The following GRIN2C variants were observed in gnomAD, a reference collection of about 807,000 sequenced individuals.
GRIN2C encodes glutamate ionotropic receptor NMDA type subunit 2C, also known as glutamate receptor ionotropic, NMDA 2C.
Under a neutral mutation model 77.7 loss-of-function variants are expected in GRIN2C, and 64 were observed. The ratio of observed to expected loss-of-function variants is 0.82; its 90% confidence interval spans 0.67 to 1.01. GRIN2C has a LOEUF of 1.01. Ranked by LOEUF, GRIN2C falls within the 50% of genes least tolerant of loss-of-function variation. The pLI is 0.00. For missense variants in GRIN2C, 1,549 were observed against 1,486.0 expected, an observed-to-expected ratio of 1.04 and a Z score of -0.70; for synonymous variants, 792 against 643.4, an observed-to-expected ratio of 1.23 and a Z score of -3.49.
At chr17:74,860,653 C>T (rs1567904377), upstream of GRIN2C, 1 of 376,316 alleles carries the variant, frequency 2.7e-6, no homozygotes, top group Non-Finnish European at 5.3e-6. Flanking sequence ...CCAGGTCTTG[C>T]TCGCCCAGTG....
Position 74,849,818 on chromosome 17 carries a change from G to A in GRIN2C, c.1607C>T (p.Ala536Val), listed in dbSNP as rs985277360. The A allele has an allele frequency of 6.2e-7, 1 of 1,613,096 alleles. No homozygotes were observed. Among genetic ancestry groups the A allele is most frequent in the South Asian group, 1.1e-5 (1 of 91,016 alleles). The change falls in exon 7 of 13, where the codon GCT becomes GTT. Residue 536 changes from alanine to valine, a missense_variant. Around this residue, in one of 3 missense-constraint regions of GRIN2C, gnomAD observed 717 missense variants for 858.1 expected, o/e 0.84. Transcript: ENST00000293190. The surrounding 1 kb of genome is among the most constrained non-coding windows in gnomAD (Gnocchi z 4.6). ...FVETGISVMV[A>V]RSNGTVSPSA... Reference sequence around the variant, plus strand: ...GGGGGAGACGGTGCCATTGCTGCGAGCCACCATCACACTGATGCCCGTCTC... The same window carrying A: ...GGGGGAGACGGTGCCATTGCTGCGAACCACCATCACACTGATGCCCGTCTC...
rs376756291 is a variant in GRIN2C at position 74,849,838 on chromosome 17, C to T, written c.1587G>A (p.Thr529=). 1.7e-5 allele frequency: 27 copies of T among 1,613,278 alleles called. No individual in the cohort carries two copies. The highest frequency in any genetic ancestry group is 2.7e-5 in the African/African-American group (2 of 74,874). ...IVDFSVPFVE[T]GISVMVARSN... ...TGCGAGCCACCATCACACTGATGCC[C>T]GTCTCCACAAAGGGTACAGAGAAGT... Residue 529 remains threonine (T), a synonymous_variant, in exon 7 of 13, where the codon ACG becomes ACA. Transcript: ENST00000293190. This position sits in a 1 kb window ranked among gnomAD's most constrained non-coding sequence, Gnocchi z 4.6.
Position 74,854,888 on chromosome 17 carries a change from C to T in GRIN2C, c.205G>A (p.Val69Ile), listed in dbSNP as rs749557717. Residue 69 changes from valine to isoleucine, a missense_variant, in exon 2 of 13, where the codon GTC becomes ATC. This residue lies in a region of GRIN2C where 382 missense variants were observed against 360.0 expected (regional missense o/e 1.06). Transcript: ENST00000293190. ...AGGCTGCTGGGGTTGGTGGTGTTGA[C>T]CCCAACTGTGAGCGGCTGGATCTCC... ...PLEIQPLTVGVNTTNPSSLLT... is the reference protein window; with the variant it reads ...PLEIQPLTVGINTTNPSSLLT... 7 of 1,613,286 alleles carry T rather than the reference C, an allele frequency of 4.3e-6. No individual in the cohort carries two copies. In the African/African-American group the frequency reaches 9.3e-5, roughly 22 times the overall value.
upstream of GRIN2C, chr17:74,860,715 C>A (rs553799165): frequency 2.8e-6 from 1 of 352,170 alleles, no homozygotes; most frequent in African/African-American, 2.2e-5. Flanking sequence ...GAGCCGGGCA[C>A]GGGCCAGCAT....
Position 74,843,334 on chromosome 17 carries a change from A to G in GRIN2C, c.2803T>C (p.Cys935Arg). The G allele has an allele frequency of 6.7e-7, 1 of 1,491,206 alleles. No individual in the cohort carries two copies. Among genetic ancestry groups the G allele is most frequent in the Non-Finnish European group, 9.0e-7 (1 of 1,112,878 alleles). 92.4% of individuals were successfully genotyped at this position (1,491,206 alleles called of 1,614,324 possible). A position where few individuals can be genotyped will look rare whatever the true frequency, so the allele number is the denominator to read the frequency against. ...GGRRAPPPSPCPTPRSGPSPC... is the reference protein window; with the variant it reads ...GGRRAPPPSPRPTPRSGPSPC... ...CTGGGGCCAGACCGCGGGGTCGGGC[A>G]GGGGGACGGTGGGGGCGCACGGCGG... The change falls in exon 13 of 13, where the codon TGC (cysteine) becomes CGC (arginine). Residue 935 changes from cysteine to arginine, a missense_variant. By Grantham distance (180) the Cys-to-Arg change is radical (BLOSUM62 -3). Coordinates refer to ENST00000293190, the MANE Select transcript of GRIN2C (RefSeq NM_000835.6).
At position 74,846,735 on chromosome 17, in the gene GRIN2C, A is replaced by T. The variant is rs373559320; in HGVS notation, c.2162+25T>A. 1.0e-4 allele frequency: 165 copies of T among 1,606,744 alleles called. No individual in the cohort carries two copies. Among genetic ancestry groups the T allele is most frequent in the Non-Finnish European group, 1.0e-4 (120 of 1,175,734 alleles). ...ACTGGGGAGACACACGGATGAAGAC[A>T]GCGGGTGCAGGGCTGGGGACCCACC... On this transcript the variant is annotated intron_variant, in intron 10 of 12. Transcript: ENST00000293190. The surrounding 1 kb of genome is among the most constrained non-coding windows in gnomAD (Gnocchi z 4.4).
Position 74,854,600 on chromosome 17 carries a change from C to A in GRIN2C, c.399+94G>T, listed in dbSNP as rs183077195. ...CCTCAGCCCCCACCTCCCTGCCCATCCCGTCTAATCCCAGCTTCCCAGAAC... is the reference window on the plus strand; with the variant it reads ...CCTCAGCCCCCACCTCCCTGCCCATACCGTCTAATCCCAGCTTCCCAGAAC... On this transcript the variant is annotated intron_variant, in intron 2 of 12. Transcript: ENST00000293190. 3.2e-4 allele frequency: 325 copies of A among 1,014,164 alleles called. 1 individual carries two copies. The African/African-American group carries it at 4.3e-3, about 13-fold the overall frequency. 62.8% of individuals were successfully genotyped at this position (1,014,164 alleles called of 1,614,324 possible).
chr17:74,848,046 G>A (rs1393955068), intron 7 of GRIN2C, 69 bp from the exon 8 acceptor site: 20 of 1,565,514 alleles, frequency 1.3e-5, no homozygotes, highest in Non-Finnish European at 8.8e-7. Flanking sequence ...AGCACTGGGT[G>A]GAGACAGGTA....
Position 74,846,354 on chromosome 17 carries a change from C to T in GRIN2C, c.2163-101G>A, listed in dbSNP as rs761933517. 1.5e-4 allele frequency: 149 copies of T among 1,026,462 alleles called. No homozygotes were observed. The highest frequency in any genetic ancestry group is 2.0e-4 in the Non-Finnish European group (134 of 679,740). 63.6% of individuals were successfully genotyped at this position (1,026,462 alleles called of 1,614,324 possible). A position where few individuals can be genotyped will look rare whatever the true frequency, so the allele number is the denominator to read the frequency against. On this transcript the variant is annotated intron_variant, in intron 10 of 12. Transcript: ENST00000293190. This position sits in a 1 kb window ranked among gnomAD's most constrained non-coding sequence, Gnocchi z 4.4. ...GTCTAAACCACATGAGCCTGCTGGG[C>T]ACCCCCGGGAGGGACCAATGGGCAG...
At chr17:74,854,434 GC>G in intron 2 of GRIN2C, 1 of 440,188 alleles carries the variant, frequency 2.3e-6, no homozygotes, top group African/African-American at 2.0e-5. Context: ...GAGGGCTGGG[GC>G]CTGAGCCCCA....
chr17:74,857,198 G>A (rs565251421), intron 1 of GRIN2C, among the ~76,000 whole-genome samples: 3 of 152,130 alleles, frequency 2.0e-5, no homozygotes, highest in Admixed American at 6.5e-5. Flanking sequence ...CAGCCTCCCC[G>A]TCAAGATCTT....
intron 11 of GRIN2C, 136 bp from the exon 12 acceptor site, chr17:74,844,644 T>G: frequency 7.0e-7 from 1 of 1,436,564 alleles, no homozygotes; most frequent in Non-Finnish European, 9.2e-7. Flanking sequence ...GCAGACCACA[T>G]GGGGATCCAG....
chr17:74,855,458 AT>A (rs2037794846), intron 1 of GRIN2C, among the ~76,000 whole-genome samples: 1 of 152,186 alleles, frequency 6.6e-6, no homozygotes, highest in South Asian at 2.1e-4. Context: ...GTTCAAGTGC[AT>A]GGATTTGAGT....
intron 1 of GRIN2C, among the ~76,000 whole-genome samples, chr17:74,855,863 C>T (rs917663502): frequency 5.9e-5 from 9 of 152,252 alleles, no homozygotes; most frequent in South Asian, 4.1e-4. Context: ...GGGCACTGGA[C>T]GTCACTACAG....
At chr17:74,848,377 C>T (rs535188954) in intron 7 of GRIN2C, among the ~76,000 whole-genome samples, 2 of 152,332 alleles carry the variant, frequency 1.3e-5, no homozygotes, top group East Asian at 3.9e-4. Context: ...AGACATCCAC[C>T]CCAGGCCTCA....
chr17:74,846,991 C>A lies in GRIN2C; in HGVS notation c.2002-71G>T, dbSNP rs886300434. ...TCCAGGCACCAAAGCCCCAAACCCA[C>A]CCCAGAGCCCAGCCCCAGTGTGGAC... is the stretch of plus-strand genomic sequence containing the variant. On this transcript the variant is annotated intron_variant, in intron 9 of 12. Transcript: ENST00000293190. The surrounding 1 kb of genome is among the most constrained non-coding windows in gnomAD (Gnocchi z 4.4). 3 of 1,501,142 alleles carry A rather than the reference C, an allele frequency of 2.0e-6. No homozygotes were observed. Among genetic ancestry groups the A allele is most frequent in the Non-Finnish European group, 2.7e-6 (3 of 1,105,452 alleles). The allele number at this position is 1,501,142 out of a possible 1,614,324, so 93.0% of individuals were successfully genotyped here.
intron 2 of GRIN2C, 192 bp downstream of exon 2, chr17:74,854,502 C>T (rs2037754899): frequency 1.8e-6 from 1 of 571,378 alleles, no homozygotes; most frequent in East Asian, 2.9e-5. Flanking sequence ...AATGTGAGGT[C>T]AGCCCAGAAT....
chr17:74,852,094 T>C lies in GRIN2C; in HGVS notation c.917A>G (p.Gln306Arg). The C allele has an allele frequency of 6.8e-7, 1 of 1,468,342 alleles. No homozygotes were observed. Among genetic ancestry groups the C allele is most frequent in the Non-Finnish European group, 9.0e-7 (1 of 1,108,388 alleles). The allele number at this position is 1,468,342 out of a possible 1,614,324, so 91.0% of individuals were successfully genotyped here. The stretch of plus-strand genomic sequence containing the variant: ...GGCCGGGGCTGGCAGGGTTCCATGC[T>C]GGCGCCAGTAGCTGTGGGCGCCCAG... ...LALGAHSYWR[Q>R]HGTLPAPAGD... The change falls in exon 3 of 13, where the codon CAG (glutamine) becomes CGG (arginine). Residue 306 changes from glutamine (Q) to arginine (R), a missense_variant. Transcript: ENST00000293190.
rs1239060285 is a variant in GRIN2C at position 74,850,809 on chromosome 17, C to T, written c.1114-42G>A. Reference sequence around the variant, plus strand: ...CCTCAGCCTGGGGCCTCCAGCCCTACAGCCCCCACCCTCTAGGTGGAGCCT... The same window carrying T: ...CCTCAGCCTGGGGCCTCCAGCCCTATAGCCCCCACCCTCTAGGTGGAGCCT... On this transcript the variant is annotated intron_variant, in intron 4 of 12. Coordinates refer to ENST00000293190, the MANE Select transcript of GRIN2C (RefSeq NM_000835.6). This position sits in a 1 kb window ranked among gnomAD's most constrained non-coding sequence, Gnocchi z 5.3. The T allele has an allele frequency of 1.3e-6, 2 of 1,506,510 alleles. No individual in the cohort carries two copies. The highest frequency in any genetic ancestry group is 1.8e-5 in the Admixed American group (1 of 54,594). The allele number at this position is 1,506,510 out of a possible 1,614,324, so 93.3% of individuals were successfully genotyped here. A position where few individuals can be genotyped will look rare whatever the true frequency, so the allele number is the denominator to read the frequency against.
Sources: gnomAD v4.1 joint callset for allele counts (sites outside exome capture counted in the v4.1 genomes callset) on GRCh38, gnomAD v4.1.1 for gene constraint, gnomAD v4.1.1 regional missense constraint, Gnocchi (gnomAD v3.1) non-coding constraint, MANE v1.5 for transcripts, NCBI Gene and HGNC (gene_info 2026-07-23, HGNC 2026-07-21) for gene names.